The following SDK1 variants were observed in gnomAD, a reference collection of about 807,000 sequenced individuals.
SDK1 encodes sidekick cell adhesion molecule 1.
In SDK1, 157 loss-of-function variants were observed where a neutral mutation model predicts 245.5. That is an observed-to-expected ratio of 0.64 (90% CI 0.56 to 0.73). The LOEUF is 0.73. SDK1 is among the 30% of genes least tolerant of loss of function. The pLI, the probability that SDK1 is intolerant of heterozygous loss-of-function variation, is 0.00. For synonymous variants in SDK1, 1,647 were observed against 1,278.5 expected, an observed-to-expected ratio of 1.29 and a Z score of -6.15; for missense variants, 3,583 against 3,002.3, an observed-to-expected ratio of 1.19 and a Z score of -4.52.
intron 1 of SDK1, among the ~76,000 whole-genome samples, chr7:3,447,786 C>A (rs1780389015): frequency 6.7e-6 from 1 of 148,816 alleles, no homozygotes; most frequent in Admixed American, 6.8e-5. Context: ...CTCACCGCAA[C>A]CTCTGCCTCC....
At chr7:3,555,355 T>G (rs12670592) in intron 1 of SDK1, among the ~76,000 whole-genome samples, 40,065 of 152,018 alleles carry the variant, frequency 0.26, 5,485 homozygotes, top group East Asian at 0.36. Flanking sequence ...TCAGTAAATG[T>G]TGCTGGGAAA....
At position 4,113,947 on chromosome 7, in the gene SDK1, T is replaced by C. The variant is rs556260665; in HGVS notation, c.3586-90T>C. 1.9e-4 allele frequency: 180 copies of C among 946,434 alleles called. No homozygotes were observed. In the African/African-American group the frequency reaches 2.6e-3, roughly 14 times the overall value. 58.6% of individuals were successfully genotyped at this position (946,434 alleles called of 1,614,324 possible). A position where few individuals can be genotyped will look rare whatever the true frequency, so the allele number is the denominator to read the frequency against. On this transcript the variant is annotated intron_variant, in intron 24 of 44. Coordinates refer to ENST00000404826, the MANE Select transcript of SDK1 (RefSeq NM_152744.4). Reference sequence around the variant, plus strand: ...CCCCAGGAACACCTCCTCCACGGAGTTGGCCTCACAGGGCAGGCCCATCCC... The same window carrying C: ...CCCCAGGAACACCTCCTCCACGGAGCTGGCCTCACAGGGCAGGCCCATCCC...
chr7:3,462,384 A>T (rs1460812199), intron 1 of SDK1, among the ~76,000 whole-genome samples: 1 of 152,098 alleles, frequency 6.6e-6, no homozygotes, highest in East Asian at 1.9e-4. Flanking sequence ...TCTACCTATT[A>T]TTGAATGTTA....
chr7:4,149,665 C>G (rs759504373), intron 30 of SDK1, among the ~76,000 whole-genome samples: 11 of 152,188 alleles, frequency 7.2e-5, no homozygotes, highest in Non-Finnish European at 1.6e-4. Flanking sequence ...CCACCCCCAG[C>G]CGCTTCCCGG....
At chr7:4,215,935 C>G (rs962959124) in intron 38 of SDK1, among the ~76,000 whole-genome samples, 7 of 152,184 alleles carry the variant, frequency 4.6e-5, no homozygotes, top group Non-Finnish European at 1.0e-4. Flanking sequence ...GCAGAGACCA[C>G]ATGTCCTGCC....
At chr7:4,190,311 C>G (rs764763653) in intron 35 of SDK1, among the ~76,000 whole-genome samples, 2 of 152,180 alleles carry the variant, frequency 1.3e-5, no homozygotes, top group Non-Finnish European at 2.9e-5. Context: ...TGCCGGTGGG[C>G]TGTGCTGCGT....
At chr7:3,424,561 G>A (rs936096204) in intron 1 of SDK1, among the ~76,000 whole-genome samples, 2 of 152,114 alleles carry the variant, frequency 1.3e-5, no homozygotes, top group African/African-American at 4.8e-5. Context: ...GTTTTCTGCT[G>A]ATAGTCTGGT....
At chr7:4,025,808 T>C (rs1435570633) in intron 17 of SDK1, among the ~76,000 whole-genome samples, 1 of 152,234 alleles carries the variant, frequency 6.6e-6, no homozygotes. Flanking sequence ...CCCTGACTCT[T>C]GCTGTCTCGA....
At position 4,258,727 on chromosome 7, in the gene SDK1, C is replaced by A. The variant is rs377399492; in HGVS notation, c.6382-6397C>A. ...TCACCACTTCTCTCGTTTTTCCCCA[C>A]TAGGATCCCTTGTGGTAGGGAAGTT... On this transcript the variant is annotated intron_variant, in intron 44 of 44. Transcript: ENST00000404826. 3.1e-4 allele frequency among the ~76,000 whole-genome samples: 47 copies of A among 152,280 alleles called. 2 individuals carry two copies. In the East Asian group the frequency reaches 5.0e-3, roughly 16 times the overall value.
At chr7:3,535,426 A>G (rs1583136209) in intron 1 of SDK1, among the ~76,000 whole-genome samples, 1 of 152,184 alleles carries the variant, frequency 6.6e-6, no homozygotes, top group South Asian at 2.1e-4. Context: ...CCTAATGCCA[A>G]CAACATCTGA....
intron 38 of SDK1, among the ~76,000 whole-genome samples, chr7:4,217,021 ACCACCCGGAGCACCAGG>A (rs1562445237): frequency 3.1e-4 from 26 of 83,742 alleles, no homozygotes; most frequent in East Asian, 1.2e-3. Context: ...GGAGCACCAC[ACCACCCGGAGCACCAGG>A]CCACCCGGAG....
intron 1 of SDK1, among the ~76,000 whole-genome samples, chr7:3,406,176 G>T (rs1243351096): frequency 6.6e-6 from 1 of 152,104 alleles, no homozygotes; most frequent in South Asian, 2.1e-4. Flanking sequence ...CGTGATTTTT[G>T]TTCTCATTTA....
chr7:3,486,027 T>A (rs886477927), intron 1 of SDK1, among the ~76,000 whole-genome samples: 7 of 152,064 alleles, frequency 4.6e-5, no homozygotes, highest in African/African-American at 7.2e-5. Context: ...ATTGGTTTTA[T>A]CTATTTTTTG....
chr7:3,898,378 A>G lies in SDK1; in HGVS notation c.848-52545A>G, dbSNP rs187887598. Among the ~76,000 whole-genome samples, 11 of 152,312 alleles carry G rather than the reference A, an allele frequency of 7.2e-5. No individual in the cohort carries two copies. In the East Asian group the frequency reaches 2.1e-3, roughly 29 times the overall value. ...CTGCTGTCCGGTACAATGTCACATC[A>G]TGATGCCATTCAGACCTCTTTTCCC... On this transcript the variant is annotated intron_variant, in intron 5 of 44. Coordinates refer to ENST00000404826, the MANE Select transcript of SDK1 (RefSeq NM_152744.4).
At chr7:3,651,651 T>G (rs1207685201) in intron 4 of SDK1, among the ~76,000 whole-genome samples, 2 of 152,184 alleles carry the variant, frequency 1.3e-5, no homozygotes, top group Non-Finnish European at 2.9e-5. Flanking sequence ...CCTAAGATGA[T>G]GACTCTTCAC....
At chr7:3,642,223 T>A in intron 4 of SDK1, 118 bp downstream of exon 4, 1 of 857,852 alleles carries the variant, frequency 1.2e-6, no homozygotes, top group Non-Finnish European at 1.8e-6. Flanking sequence ...CAAACTAGTC[T>A]AGGAGTCCTA....
rs138048846 is a variant in SDK1 at position 3,787,976 on chromosome 7, T to G, written c.714-33474T>G. 2.4e-4 allele frequency among the ~76,000 whole-genome samples: 36 copies of G among 152,254 alleles called. 1 individual carries two copies. The East Asian group carries it at 7.0e-3, about 29-fold the overall frequency. ...AAGGAACTGAATAGGAGAGTTAGTT[T>G]CTTAGAGAGCCCGTGGGAGGACCGG... is the stretch of plus-strand genomic sequence containing the variant. On this transcript the variant is annotated intron_variant, in intron 4 of 44. Transcript: ENST00000404826.
At chr7:4,101,171 C>T (rs1276359530) in intron 22 of SDK1, among the ~76,000 whole-genome samples, 43 of 143,586 alleles carry the variant, frequency 3.0e-4, no homozygotes, top group East Asian at 6.1e-4. Context: ...TTTTTTGAGA[C>T]GGAGTCTCGC....
chr7:3,421,321 C>T (rs1236846557), intron 1 of SDK1, among the ~76,000 whole-genome samples: 2 of 152,074 alleles, frequency 1.3e-5, no homozygotes, highest in Non-Finnish European at 2.9e-5. Context: ...ACCCGCCTGC[C>T]CTCCTCGGCC....
Sources: gnomAD v4.1 joint callset for allele counts (sites outside exome capture counted in the v4.1 genomes callset) on GRCh38, gnomAD v4.1.1 for gene constraint, MANE v1.5 for transcripts, NCBI Gene and HGNC (gene_info 2026-07-23, HGNC 2026-07-21) for gene names.